Variants in RIC8B observed in about 807,000 individuals in gnomAD.
RIC8B encodes chaperone Ric-8B.
In RIC8B, 16 loss-of-function variants were observed where a neutral mutation model predicts 57.5. The observed-to-expected ratio is 0.28, with a 90% CI of 0.19 to 0.42. RIC8B has a LOEUF of 0.42. Among genes scored for constraint, RIC8B ranks in the 10% least tolerant of loss-of-function variants. RIC8B has a pLI of 1.00. For missense variants in RIC8B, 481 were observed against 677.0 expected (o/e 0.71, Z 3.21); for synonymous variants, 216 against 250.8 (o/e 0.86, Z 1.31).
At chr12:106,862,108 C>T (rs976694268) in intron 8 of RIC8B, among the ~76,000 whole-genome samples, 1 of 151,996 alleles carries the variant, frequency 6.6e-6, no homozygotes, top group Non-Finnish European at 1.5e-5. Flanking sequence ...ACTGTCTTGG[C>T]TCTCTGTCAT....
At chr12:106,812,458 T>A (rs564400809) in intron 2 of RIC8B, among the ~76,000 whole-genome samples, 24 of 150,078 alleles carry the variant, frequency 1.6e-4, no homozygotes, top group East Asian at 9.8e-4. Context: ...TTTTTTTTTT[T>A]AATTTTATTG....
intron 7 of RIC8B, 87 bp downstream of exon 7, chr12:106,851,681 A>C: frequency 1.7e-6 from 2 of 1,150,004 alleles, no homozygotes; most frequent in Non-Finnish European, 2.5e-6. Context: ...TGGTCGTCTC[A>C]TTCCATTCTT....
chr12:106,827,443 A>G (rs1451428288), intron 4 of RIC8B, among the ~76,000 whole-genome samples: 3 of 152,246 alleles, frequency 2.0e-5, no homozygotes, highest in African/African-American at 7.2e-5. Flanking sequence ...AAATAAAACT[A>G]TAGAAACACA....
At chr12:106,821,628 A>G (rs1295974936) in intron 3 of RIC8B, among the ~76,000 whole-genome samples, 1 of 152,214 alleles carries the variant, frequency 6.6e-6, no homozygotes, top group African/African-American at 2.4e-5. Flanking sequence ...ATTATTAATT[A>G]AAGAAATGAC....
chr12:106,853,158 G>A (rs1305616958), intron 7 of RIC8B, among the ~76,000 whole-genome samples: 2 of 151,746 alleles, frequency 1.3e-5, no homozygotes, highest in Non-Finnish European at 2.9e-5. Context: ...GGAAAATAAA[G>A]TTTATTTCTC....
chr12:106,825,875 T>A, intron 4 of RIC8B, 55 bp downstream of exon 4: 1 of 1,176,012 alleles, frequency 8.5e-7, no homozygotes, highest in Non-Finnish European at 1.3e-6. Context: ...TTGTTCTTGG[T>A]TTTATGCATC....
rs536421729 is a variant in RIC8B at position 106,863,785 on chromosome 12, T to C, written c.1451+3373T>C. Among the ~76,000 whole-genome samples, 33 of 152,210 alleles carry C rather than the reference T, an allele frequency of 2.2e-4. No homozygotes were observed. The South Asian group carries it at 6.0e-3, about 28-fold the overall frequency. On this transcript the variant is annotated intron_variant, in intron 8 of 9. Coordinates refer to ENST00000392837, the MANE Select transcript of RIC8B (RefSeq NM_001330145.2). ...ACTACAGTACTGAGTTTTGCTCCAG[T>C]GTTTATTTGCTATGGATTCACAATC...
chr12:106,815,444 G>A, intron 3 of RIC8B, 140 bp downstream of exon 3: 2 of 809,978 alleles, frequency 2.5e-6, no homozygotes, highest in Non-Finnish European at 3.9e-6. Context: ...TATTACCCAG[G>A]ATATACTTCT....
At chr12:106,861,247 G>GT (rs1294763435) in intron 8 of RIC8B, among the ~76,000 whole-genome samples, 15 of 152,176 alleles carry the variant, frequency 9.9e-5, no homozygotes, top group African/African-American at 2.9e-4. Context: ...GACATGCTGT[G>GT]TTTTCTGCTT....
At chr12:106,809,522 CAAAAAAAAAAAAA>C in intron 2 of RIC8B, among the ~76,000 whole-genome samples, 1 of 105,588 alleles carries the variant, frequency 9.5e-6, no homozygotes, top group East Asian at 3.0e-4. Flanking sequence ...ACTCTTGTCT[CAAAAAAAAAAAAA>C]AAAAAAAAAA....
intron 4 of RIC8B, 74 bp downstream of exon 4, chr12:106,825,894 ATTG>A: frequency 1.0e-6 from 1 of 986,356 alleles, no homozygotes; most frequent in Non-Finnish European, 1.6e-6. Flanking sequence ...TCTAATTTCA[ATTG>A]TTATAAGCAC....
At chr12:106,827,981 C>T (rs140060225) in intron 4 of RIC8B, among the ~76,000 whole-genome samples, 28 of 152,244 alleles carry the variant, frequency 1.8e-4, no homozygotes, top group African/African-American at 6.3e-4. Context: ...AATATCTTGA[C>T]GCAGCACCCA....
At chr12:106,798,432 T>C (rs547472089) in intron 2 of RIC8B, among the ~76,000 whole-genome samples, 1 of 152,304 alleles carries the variant, frequency 6.6e-6, no homozygotes, top group South Asian at 2.1e-4. Context: ...CCAATTCCTC[T>C]GTCTTCTTTT....
chr12:106,794,346 G>T (rs2044381910), intron 2 of RIC8B, among the ~76,000 whole-genome samples: 1 of 152,078 alleles, frequency 6.6e-6, no homozygotes, highest in Non-Finnish European at 1.5e-5. Flanking sequence ...TACACATAAT[G>T]GGAATACCAG....
At chr12:106,850,999 A>C (rs1289610442) in intron 6 of RIC8B, among the ~76,000 whole-genome samples, 1 of 152,136 alleles carries the variant, frequency 6.6e-6, no homozygotes, top group Non-Finnish European at 1.5e-5. Flanking sequence ...TTCTGGTCCC[A>C]AGCATTTTGG....
chr12:106,804,488 G>A (rs1463218231), intron 2 of RIC8B, among the ~76,000 whole-genome samples: 3 of 152,108 alleles, frequency 2.0e-5, no homozygotes, highest in African/African-American at 7.2e-5. Context: ...AGTGCTGGGC[G>A]TGAGCCACCA....
chr12:106,784,692 A>T (rs1404862249), intron 2 of RIC8B, among the ~76,000 whole-genome samples: 1 of 152,194 alleles, frequency 6.6e-6, no homozygotes, highest in African/African-American at 2.4e-5. Context: ...TACTCCGTAC[A>T]TCTATCCCTG....
At chr12:106,882,043 G>GT (rs909438104) in intron 9 of RIC8B, among the ~76,000 whole-genome samples, 11 of 152,176 alleles carry the variant, frequency 7.2e-5, no homozygotes, top group African/African-American at 2.4e-4. Context: ...TTTCAATATT[G>GT]TTTAATGTGT....
intron 2 of RIC8B, among the ~76,000 whole-genome samples, chr12:106,809,449 G>A (rs371109687): frequency 2.0e-5 from 3 of 150,058 alleles, no homozygotes; most frequent in Non-Finnish European, 4.4e-5. Flanking sequence ...CTTGAACTCC[G>A]AAGGCGGAGG....
Sources: gnomAD v4.1 joint callset for allele counts (sites outside exome capture counted in the v4.1 genomes callset) on GRCh38, gnomAD v4.1.1 for gene constraint, MANE v1.5 for transcripts, NCBI Gene and HGNC (gene_info 2026-07-23, HGNC 2026-07-21) for gene names.